The following PRDM5 variants were observed in gnomAD, a reference collection of about 807,000 sequenced individuals.
PRDM5 encodes PR domain zinc finger protein 5.
In PRDM5, 56 loss-of-function variants were observed where a neutral mutation model predicts 81.2. The observed-to-expected ratio is 0.69, with a 90% CI of 0.56 to 0.86. PRDM5 has a LOEUF of 0.86. Ranked by LOEUF, PRDM5 falls within the 40% of genes least tolerant of loss-of-function variation. The pLI is 0.00. For missense variants in PRDM5, 697 were observed against 770.1 expected, an observed-to-expected ratio of 0.91 and a Z score of 1.12; for synonymous variants, 267 against 256.4, an observed-to-expected ratio of 1.04 and a Z score of -0.39.
At chr4:120,790,795 T>C (rs1248414515) in intron 10 of PRDM5, among the ~76,000 whole-genome samples, 1 of 152,058 alleles carries the variant, frequency 6.6e-6, no homozygotes, top group Non-Finnish European at 1.5e-5. Context: ...AACAGTTGGA[T>C]GGATAGATAG....
intron 15 of PRDM5, among the ~76,000 whole-genome samples, chr4:120,704,928 G>GATGTCACT (rs1349347533): frequency 1.3e-5 from 2 of 152,186 alleles, no homozygotes; most frequent in African/African-American, 4.8e-5. Context: ...CTAAAGATTA[G>GATGTCACT]ATGTCACTAG....
chr4:120,915,496 T>C (rs1393104197), intron 1 of PRDM5, among the ~76,000 whole-genome samples: 2 of 152,152 alleles, frequency 1.3e-5, no homozygotes, highest in Non-Finnish European at 2.9e-5. Flanking sequence ...TCAGTGATGC[T>C]GTCATGCAAG....
At position 120,818,359 on chromosome 4, in the gene PRDM5, T is replaced by G. The variant is rs150423808; in HGVS notation, c.644A>C (p.Gln215Pro). The change falls in exon 5 of 16, where the codon CAA becomes CCA. Residue 215 changes from glutamine to proline, a missense_variant. Gln to Pro is a moderately conservative substitution (Grantham distance 76). Around this residue, in one of 3 missense-constraint regions of PRDM5, gnomAD observed 577 missense variants for 606.7 expected, o/e 0.95. Transcript: ENST00000264808. The part of the protein sequence containing the change: ...GKKFPVKQAL[Q>P]RHVLQCTAKS... ...ATTTCTTTAATATACGCACTGTCTT[T>G]GCAAAGCCTGCTTAACTGGGAATTT... is the stretch of plus-strand genomic sequence containing the variant. The G allele has an allele frequency of 6.2e-7, 1 of 1,613,760 alleles. No individual in the cohort carries two copies.
downstream of PRDM5, among the ~76,000 whole-genome samples, chr4:120,688,180 G>T (rs1189068738): frequency 6.6e-6 from 1 of 151,468 alleles, no homozygotes; most frequent in Non-Finnish European, 1.5e-5. Context: ...ATTCTAATTG[G>T]TGTGAGGTGA....
intron 11 of PRDM5, among the ~76,000 whole-genome samples, chr4:120,784,546 A>G (rs1749486420): frequency 6.6e-6 from 1 of 152,052 alleles, no homozygotes; most frequent in African/African-American, 2.4e-5. Context: ...ATCCTCCTCA[A>G]ATTAAGGTGT....
At chr4:120,846,527 A>T (rs746091199) in intron 3 of PRDM5, among the ~76,000 whole-genome samples, 18 of 152,222 alleles carry the variant, frequency 1.2e-4, no homozygotes, top group Non-Finnish European at 1.8e-4. Context: ...TTTTTTAGAC[A>T]TAATGCTACT....
At chr4:120,737,959 A>AC (rs1355692895) in intron 14 of PRDM5, among the ~76,000 whole-genome samples, 1 of 152,260 alleles carries the variant, frequency 6.6e-6, no homozygotes, top group Non-Finnish European at 1.5e-5. Context: ...GATGCCAGGC[A>AC]CACAGCTGCT....
At chr4:120,707,368 A>C (rs1451348822) in intron 15 of PRDM5, among the ~76,000 whole-genome samples, 1 of 152,056 alleles carries the variant, frequency 6.6e-6, no homozygotes, top group Non-Finnish European at 1.5e-5. Context: ...AGGTATCTGA[A>C]AAACTCCAAC....
intron 1 of PRDM5, among the ~76,000 whole-genome samples, chr4:120,921,871 A>G (rs1390464410): frequency 1.3e-5 from 2 of 152,140 alleles, no homozygotes; most frequent in Non-Finnish European, 2.9e-5. Flanking sequence ...AAATTAAAAA[A>G]AAAAAGAGCG....
intron 3 of PRDM5, among the ~76,000 whole-genome samples, chr4:120,824,349 GCA>G (rs769701522): frequency 1.1e-4 from 17 of 152,122 alleles, no homozygotes; most frequent in Admixed American, 2.6e-4. Flanking sequence ...ATTCCCTTGA[GCA>G]CAGTCCCTCC....
chr4:120,793,022 C>A (rs935645877), intron 10 of PRDM5, among the ~76,000 whole-genome samples: 3 of 152,152 alleles, frequency 2.0e-5, no homozygotes, highest in Non-Finnish European at 2.9e-5. Flanking sequence ...AGGGGGTCCC[C>A]AACCCTGCTA....
chr4:120,806,430 C>A (rs4568577), intron 8 of PRDM5, among the ~76,000 whole-genome samples: 61,134 of 151,984 alleles, frequency 0.4, 12,463 homozygotes, highest in East Asian at 0.5. Flanking sequence ...GAGGCATCAC[C>A]CTACCTGACT....
intron 2 of PRDM5, among the ~76,000 whole-genome samples, chr4:120,904,814 C>G (rs1393116490): frequency 6.6e-6 from 1 of 152,080 alleles, no homozygotes; most frequent in Non-Finnish European, 1.5e-5. Context: ...TTAATATGAT[C>G]ATCACACTAA....
intron 2 of PRDM5, among the ~76,000 whole-genome samples, chr4:120,855,227 T>C (rs1435926164): frequency 6.6e-6 from 1 of 152,212 alleles, no homozygotes; most frequent in Non-Finnish European, 1.5e-5. Flanking sequence ...TCTCAAACAA[T>C]TCCTGTTTTC....
chr4:120,766,545 T>C (rs1001337622), intron 13 of PRDM5, among the ~76,000 whole-genome samples: 1 of 152,232 alleles, frequency 6.6e-6, no homozygotes, highest in East Asian at 1.9e-4. Flanking sequence ...TTGGTTGATA[T>C]ATCAACAAGA....
chr4:120,747,937 A>T (rs1743383916), intron 14 of PRDM5, among the ~76,000 whole-genome samples: 1 of 152,244 alleles, frequency 6.6e-6, no homozygotes, highest in African/African-American at 2.4e-5. Context: ...TGTTGAAATC[A>T]AAAGGGGTTA....
At chr4:120,885,134 C>CAAAAAAAAAAAAAAAAAAAAAAAAA (rs60623556) in intron 2 of PRDM5, among the ~76,000 whole-genome samples, 1 of 50,706 alleles carries the variant, frequency 2.0e-5, no homozygotes, top group Non-Finnish European at 4.1e-5. Context: ...GACTCCGTAT[C>CAAAAAAAAAAAAAAAAAAAAAAAAA]AAAAAAAAAA....
intron 2 of PRDM5, among the ~76,000 whole-genome samples, chr4:120,872,844 T>C (rs1021946276): frequency 2.6e-5 from 4 of 152,072 alleles, no homozygotes; most frequent in Admixed American, 2.6e-4. Flanking sequence ...GGAGGTGAGA[T>C]GTTTAAAGGA....
At chr4:120,701,103 C>T (rs2088273) in intron 15 of PRDM5, among the ~76,000 whole-genome samples, 6,974 of 150,486 alleles carry the variant, frequency 0.046, 296 homozygotes, top group African/African-American at 0.12. Flanking sequence ...CCAGCCTGGG[C>T]GACAGAGCAA....
Sources: gnomAD v4.1 joint callset for allele counts (sites outside exome capture counted in the v4.1 genomes callset) on GRCh38, gnomAD v4.1.1 for gene constraint, gnomAD v4.1.1 regional missense constraint, MANE v1.5 for transcripts, NCBI Gene and HGNC (gene_info 2026-07-23, HGNC 2026-07-21) for gene names.